Variants in ANO6 observed in about 807,000 individuals in gnomAD.
The protein encoded by ANO6 is anoctamin-6.
In ANO6, 106 loss-of-function variants were observed where a neutral mutation model predicts 117.5. That is an observed-to-expected ratio of 0.90 (90% CI 0.77 to 1.06). The LOEUF (loss-of-function observed/expected upper bound fraction) is 1.06, where lower values mean the gene tolerates loss of function less well. Among genes scored for constraint, ANO6 ranks in the 50% least tolerant of loss-of-function variants. The pLI, the probability that ANO6 is intolerant of heterozygous loss-of-function variation, is 0.00. For synonymous variants in ANO6, 367 were observed against 385.1 expected, an observed-to-expected ratio of 0.95 and a Z score of 0.55; for missense variants, 955 against 1,121.1, an observed-to-expected ratio of 0.85 and a Z score of 2.12.
In ANO6 at chr12:45,430,310, C is replaced by G; in HGVS notation, c.*999C>G. The G allele has an allele frequency of 1.0e-6, 1 of 985,396 alleles. No individual in the cohort carries two copies. Among genetic ancestry groups the G allele is most frequent in the Non-Finnish European group, 1.2e-6 (1 of 829,924 alleles). 61.0% of individuals were successfully genotyped at this position (985,396 alleles called of 1,614,324 possible). A position where few individuals can be genotyped will look rare whatever the true frequency, so the allele number is the denominator to read the frequency against. On this transcript the variant is annotated 3_prime_UTR_variant, in exon 20 of 20. Coordinates refer to ENST00000320560, the MANE Select transcript of ANO6 (RefSeq NM_001025356.3). ...TCACCAGCTGCCTTTGTGAATGGCTCACTACACAGCCATTGGGGTACAACT... is the reference window on the plus strand; with the variant it reads ...TCACCAGCTGCCTTTGTGAATGGCTGACTACACAGCCATTGGGGTACAACT...
intron 1 of ANO6, among the ~76,000 whole-genome samples, chr12:45,221,059 T>TGGGGG (rs35401353): frequency 1.5e-4 from 22 of 149,314 alleles, no homozygotes; most frequent in South Asian, 4.3e-4. Context: ...GTGTCGGAAG[T>TGGGGG]GGGGGGGGGC....
At chr12:45,418,652 A>G (rs1943275045) in intron 17 of ANO6, among the ~76,000 whole-genome samples, 1 of 152,188 alleles carries the variant, frequency 6.6e-6, no homozygotes, top group South Asian at 2.1e-4. Context: ...TGATTGTATT[A>G]GGTACCTTTT....
Position 45,403,107 on chromosome 12 carries a change from C to T in ANO6, c.1648C>T (p.Leu550Phe). 6.2e-6 allele frequency: 10 copies of T among 1,613,996 alleles called. No individual in the cohort carries two copies. Among genetic ancestry groups the T allele is most frequent in the Non-Finnish European group, 8.5e-6 (10 of 1,179,946 alleles). ...GACCCAGACTGATTATGAGAACAGCCTCACCATGAAGATGTTCTTATTCCA... is the reference window on the plus strand; with the variant it reads ...GACCCAGACTGATTATGAGAACAGCTTCACCATGAAGATGTTCTTATTCCA... ...PRTQTDYENS[L>F]TMKMFLFQFV... The change falls in exon 14 of 20, where the codon CTC (leucine) becomes TTC (phenylalanine). Residue 550 changes from leucine (L) to phenylalanine (F), a missense_variant. By Grantham distance (22) the Leu-to-Phe change is conservative. Coordinates refer to ENST00000320560, the MANE Select transcript of ANO6 (RefSeq NM_001025356.3).
At chr12:45,295,947 A>T (rs1939280082) in intron 1 of ANO6, among the ~76,000 whole-genome samples, 1 of 151,660 alleles carries the variant, frequency 6.6e-6, no homozygotes, top group Non-Finnish European at 1.5e-5. Flanking sequence ...CTGCAACTTC[A>T]GCCTCCTGGT....
At position 45,429,216 on chromosome 12, in the gene ANO6, G is replaced by A. The variant is rs1352633327; in HGVS notation, c.2638G>A (p.Glu880Lys). The A allele has an allele frequency of 6.2e-7, 1 of 1,613,914 alleles. No homozygotes were observed. The highest frequency in any genetic ancestry group is 1.7e-4 in the Middle Eastern group (1 of 6,058). ...EKYLTQKLLHENHLKDMTKNM... is the reference protein window; with the variant it reads ...EKYLTQKLLHKNHLKDMTKNM... ...ATACCTAACCCAAAAGCTTCTTCAT[G>A]AGAATCACCTCAAAGATATGACGAA... Residue 880 changes from glutamate to lysine, a missense_variant, in exon 20 of 20, where the codon GAG becomes AAG. By Grantham distance (56) the Glu-to-Lys change is moderately conservative. Coordinates refer to ENST00000320560, the MANE Select transcript of ANO6 (RefSeq NM_001025356.3).
At chr12:45,266,622 C>G (rs959682634) in intron 1 of ANO6, among the ~76,000 whole-genome samples, 2 of 152,022 alleles carry the variant, frequency 1.3e-5, no homozygotes, top group Admixed American at 6.6e-5. Flanking sequence ...ATAGTGAGAC[C>G]TCATCTCTAC....
chr12:45,323,322 A>C (rs1159267561), intron 2 of ANO6, among the ~76,000 whole-genome samples: 1 of 152,324 alleles, frequency 6.6e-6, no homozygotes, highest in African/African-American at 2.4e-5. Flanking sequence ...TGGTTGCCCA[A>C]TTCAAAGCAT....
At chr12:45,376,416 G>A (rs200575824) in intron 9 of ANO6, among the ~76,000 whole-genome samples, 145 of 133,730 alleles carry the variant, frequency 1.1e-3, no homozygotes, top group Admixed American at 8.2e-3. Context: ...TGTTTATTGC[G>A]GCATTATTCA....
At chr12:45,339,882 G>T (rs1387526467) in intron 3 of ANO6, among the ~76,000 whole-genome samples, 1 of 152,028 alleles carries the variant, frequency 6.6e-6, no homozygotes, top group East Asian at 1.9e-4. Context: ...AAAGCTATAA[G>T]AATATTTGAA....
At position 45,431,886 on chromosome 12, in the gene ANO6, A is replaced by G. The variant is rs1254998005; in HGVS notation, c.*2575A>G. 2.0e-6 allele frequency: 2 copies of G among 985,450 alleles called. No homozygotes were observed. The highest frequency in any genetic ancestry group is 6.1e-5 in the Admixed American group (1 of 16,284). 61.0% of individuals were successfully genotyped at this position (985,450 alleles called of 1,614,324 possible). ...TTTTAATGCCTGTGAATTTTAGCAT[A>G]TTGAAACATTAGAGCAAATACTCAG... On this transcript the variant is annotated 3_prime_UTR_variant, in exon 20 of 20. Transcript: ENST00000320560.
intron 2 of ANO6, among the ~76,000 whole-genome samples, chr12:45,321,028 G>C (rs1393362369): frequency 6.6e-6 from 1 of 152,138 alleles, no homozygotes; most frequent in East Asian, 1.9e-4. Flanking sequence ...ACGTGAGATG[G>C]GTTTCCTGAA....
intron 2 of ANO6, among the ~76,000 whole-genome samples, chr12:45,307,452 C>G (rs1939706514): frequency 6.6e-6 from 1 of 151,966 alleles, no homozygotes; most frequent in African/African-American, 2.4e-5. Context: ...AGTTTTTGAC[C>G]CAGAAGTCTG....
At chr12:45,245,905 C>T (rs1200006482) in intron 1 of ANO6, among the ~76,000 whole-genome samples, 2 of 150,222 alleles carry the variant, frequency 1.3e-5, no homozygotes, top group Non-Finnish European at 2.9e-5. Context: ...TGCGTAGATT[C>T]TCTTGGGTAG....
chr12:45,242,298 C>T (rs1477442561), intron 1 of ANO6, among the ~76,000 whole-genome samples: 2 of 152,252 alleles, frequency 1.3e-5, no homozygotes, highest in African/African-American at 2.4e-5. Context: ...ACCCCTTCCC[C>T]TACCAGGCTG....
chr12:45,320,209 T>C (rs187548284), intron 2 of ANO6, among the ~76,000 whole-genome samples: 1 of 152,334 alleles, frequency 6.6e-6, no homozygotes, highest in Admixed American at 6.5e-5. Flanking sequence ...AATTGTGATG[T>C]TAGGGTATCA....
chr12:45,252,010 C>G (rs1381513065), intron 1 of ANO6, among the ~76,000 whole-genome samples: 1 of 152,176 alleles, frequency 6.6e-6, no homozygotes, highest in Non-Finnish European at 1.5e-5. Context: ...GCCCCTCAAT[C>G]ACTTCTTAGG....
Position 45,365,526 on chromosome 12 carries a change from TG to T in ANO6, c.999-2160del, listed in dbSNP as rs1479774640. On this transcript the variant is annotated intron_variant, in intron 8 of 19. Transcript: ENST00000320560. ...CTCTGAGTATGAGGTTTAAAAAGAA[TG>T]GCAAATCCTGCGCATGGAGCTTTTT... Among the ~76,000 whole-genome samples, 8 of 152,330 alleles carry T rather than the reference TG, an allele frequency of 5.3e-5. No individual in the cohort carries two copies. In the South Asian group the frequency reaches 1.4e-3, roughly 28 times the overall value.
At chr12:45,240,832 G>T (rs566408340) in intron 1 of ANO6, among the ~76,000 whole-genome samples, 8 of 152,248 alleles carry the variant, frequency 5.3e-5, no homozygotes, top group African/African-American at 1.9e-4. Context: ...CTGGATATGA[G>T]ATTCTGGGTT....
At chr12:45,419,115 G>C (rs143437136) in intron 17 of ANO6, among the ~76,000 whole-genome samples, 1 of 152,316 alleles carries the variant, frequency 6.6e-6, no homozygotes, top group African/African-American at 2.4e-5. Flanking sequence ...TAAATAAGCT[G>C]AATTGACATT....
Sources: gnomAD v4.1 joint callset for allele counts (sites outside exome capture counted in the v4.1 genomes callset) on GRCh38, gnomAD v4.1.1 for gene constraint, MANE v1.5 for transcripts, NCBI Gene and HGNC (gene_info 2026-07-23, HGNC 2026-07-21) for gene names.